The following FHIT variants were observed in gnomAD, a reference collection of about 807,000 sequenced individuals.
FHIT encodes bis(5'-adenosyl)-triphosphatase.
A neutral mutation model predicts 17.9 loss-of-function variants in FHIT; 19 were observed. That is an observed-to-expected ratio of 1.06 (90% confidence interval 0.74 to 1.56). The LOEUF (loss-of-function observed/expected upper bound fraction) is 1.56, where lower values mean the gene tolerates loss of function less well. Among genes scored for constraint, FHIT ranks in the 40% most tolerant of loss-of-function variants. FHIT has a pLI of 0.00. For synonymous variants in FHIT, 81 were observed against 69.7 expected, an observed-to-expected ratio of 1.16 and a Z score of -0.81; for missense variants, 248 against 189.2, an observed-to-expected ratio of 1.31 and a Z score of -1.82.
chr3:60,862,253 A>G (rs1470468333), intron 3 of FHIT, among the ~76,000 whole-genome samples: 1 of 151,934 alleles, frequency 6.6e-6, no homozygotes. Flanking sequence ...ATCATAGTTC[A>G]CTGCAGCCTT....
rs1709273371 is a variant in FHIT, at chr3:60,958,497, T to C, written c.-111+83550A>G. On this transcript the variant is annotated intron_variant, in intron 3 of 9. Coordinates refer to ENST00000492590, the MANE Select transcript of FHIT (RefSeq NM_002012.4). ...ATACTTAAGTCTTGTTCTTTAGCAA[T>C]TATTAAAGGTTACACTGGTATGTTT... Among the ~76,000 whole-genome samples the C allele has an allele frequency of 2.6e-5, 4 of 152,354 alleles. No individual in the cohort carries two copies. In the South Asian group the frequency reaches 6.2e-4, roughly 24 times the overall value.
chr3:59,925,255 T>C (rs1469430960), intron 7 of FHIT, among the ~76,000 whole-genome samples: 2 of 151,986 alleles, frequency 1.3e-5, no homozygotes, highest in Non-Finnish European at 2.9e-5. Flanking sequence ...AGGTGCATGC[T>C]ACCACATCAA....
chr3:60,366,238 C>T (rs1256218885), intron 5 of FHIT, among the ~76,000 whole-genome samples: 2 of 152,112 alleles, frequency 1.3e-5, no homozygotes, highest in Non-Finnish European at 2.9e-5. Flanking sequence ...TGCAGTGGTG[C>T]AATCTCAGCT....
intron 5 of FHIT, among the ~76,000 whole-genome samples, chr3:60,327,248 A>T (rs760530383): frequency 6.6e-6 from 1 of 152,178 alleles, no homozygotes; most frequent in African/African-American, 2.4e-5. Flanking sequence ...TGTTTTGTTC[A>T]CTGCTGTGTC....
intron 8 of FHIT, among the ~76,000 whole-genome samples, chr3:59,792,161 C>G (rs778454619): frequency 2.6e-5 from 4 of 151,994 alleles, no homozygotes; most frequent in South Asian, 4.1e-4. Context: ...TTCATAAGTC[C>G]CTTAGAGCTT....
chr3:61,174,186 T>G (rs967888633), intron 2 of FHIT, among the ~76,000 whole-genome samples: 3 of 152,156 alleles, frequency 2.0e-5, no homozygotes, highest in Non-Finnish European at 4.4e-5. Flanking sequence ...TGGCTATGCT[T>G]TCTATTCTGC....
At chr3:60,561,805 T>C (rs1442558282) in intron 4 of FHIT, among the ~76,000 whole-genome samples, 3 of 152,088 alleles carry the variant, frequency 2.0e-5, no homozygotes, top group Non-Finnish European at 2.9e-5. Context: ...TAAAAGGCCT[T>C]TTAGTAACTA....
chr3:60,324,112 A>G (rs977650077), intron 5 of FHIT, among the ~76,000 whole-genome samples: 6 of 152,164 alleles, frequency 3.9e-5, no homozygotes, highest in African/African-American at 1.2e-4. Context: ...CCAGGCATTC[A>G]AATACAAGTA....
intron 3 of FHIT, among the ~76,000 whole-genome samples, chr3:61,028,286 C>T (rs2032836984): frequency 6.6e-6 from 1 of 152,118 alleles, no homozygotes. Context: ...TGGAGACATA[C>T]AAAGAAGTAA....
intron 5 of FHIT, among the ~76,000 whole-genome samples, chr3:60,498,792 T>C (rs564476849): frequency 2.6e-5 from 4 of 152,222 alleles, no homozygotes; most frequent in East Asian, 3.9e-4. Context: ...ACTTCAAAGA[T>C]ATTTAATCTG....
chr3:61,067,159 C>T (rs2106723741), intron 2 of FHIT, among the ~76,000 whole-genome samples: 1 of 152,252 alleles, frequency 6.6e-6, no homozygotes, highest in East Asian at 1.9e-4. Flanking sequence ...GGGAATGTGG[C>T]ACTGTGCACC....
chr3:61,123,805 T>C (rs2036531522), intron 2 of FHIT, among the ~76,000 whole-genome samples: 1 of 152,170 alleles, frequency 6.6e-6, no homozygotes, highest in Non-Finnish European at 1.5e-5. Flanking sequence ...ACTCTCACCA[T>C]GGCTGGCTTC....
chr3:60,534,477 G>C (rs1287318496), intron 5 of FHIT, among the ~76,000 whole-genome samples: 1 of 142,072 alleles, frequency 7.0e-6, no homozygotes, highest in African/African-American at 2.6e-5. Flanking sequence ...GCGTCTCCCA[G>C]TTGTAACATG....
intron 8 of FHIT, among the ~76,000 whole-genome samples, chr3:59,919,420 C>T (rs757872422): frequency 5.2e-4 from 79 of 152,190 alleles, no homozygotes; most frequent in Non-Finnish European, 1.0e-3. Context: ...TAATATCTTT[C>T]CACCTGCCAG....
chr3:60,690,465 G>A (rs536760245), intron 4 of FHIT: 47 of 573,566 alleles, frequency 8.2e-5, no homozygotes, highest in African/African-American at 2.1e-4. Context: ...TGAAGTTCTC[G>A]TCATCAAATT....
intron 3 of FHIT, among the ~76,000 whole-genome samples, chr3:60,899,806 A>G (rs35353184): frequency 0.29 from 44,566 of 152,086 alleles, 6,826 homozygotes; most frequent in African/African-American, 0.37. Context: ...GATTTTAAAA[A>G]TTTCAGCTGG....
chr3:60,474,100 A>G (rs1246079396), intron 5 of FHIT, among the ~76,000 whole-genome samples: 1 of 152,208 alleles, frequency 6.6e-6, no homozygotes, highest in Non-Finnish European at 1.5e-5. Flanking sequence ...TGACACAATC[A>G]GGACAGGGAA....
chr3:59,803,117 C>G (rs1337528884), intron 8 of FHIT, among the ~76,000 whole-genome samples: 2 of 152,156 alleles, frequency 1.3e-5, no homozygotes, highest in Non-Finnish European at 2.9e-5. Flanking sequence ...AATCCTGAAA[C>G]CTGGCGTTTA....
At position 60,277,386 on chromosome 3, in the gene FHIT, C is replaced by T. The variant is rs566476974; in HGVS notation, c.103+259474G>A. Among the ~76,000 whole-genome samples the T allele has an allele frequency of 2.6e-5, 4 of 152,186 alleles. No individual in the cohort carries two copies. The East Asian group carries it at 7.7e-4, about 29-fold the overall frequency. ...CAGCCTGTAAAATCAAGCTGCAGAC[C>T]CAGACAAGCAAGCTGGAAGCTTGCA... On this transcript the variant is annotated intron_variant, in intron 5 of 9. Coordinates refer to ENST00000492590, the MANE Select transcript of FHIT (RefSeq NM_002012.4).
Sources: gnomAD v4.1 joint callset for allele counts (sites outside exome capture counted in the v4.1 genomes callset) on GRCh38, gnomAD v4.1.1 for gene constraint, MANE v1.5 for transcripts, NCBI Gene and HGNC (gene_info 2026-07-23, HGNC 2026-07-21) for gene names.